CYP4F11: variants seen among roughly 807,000 people sequenced by gnomAD.
CYP4F11 encodes the protein cytochrome P450 family 4 subfamily F member 11, also known as cytochrome P450 4F11.
In CYP4F11, 79 loss-of-function variants were observed where a neutral mutation model predicts 62.2. The ratio of observed to expected loss-of-function variants is 1.27; its 90% CI spans 1.06 to 1.53. CYP4F11 has a LOEUF of 1.53. CYP4F11 is among the 40% of genes most tolerant of loss of function. The pLI, the probability that CYP4F11 is intolerant of heterozygous loss-of-function variation, is 0.00. For missense variants in CYP4F11, 777 were observed against 680.5 expected (o/e 1.14, Z -1.58); for synonymous variants, 290 against 263.7 (o/e 1.10, Z -0.97).
rs202181290 is a variant in CYP4F11 at position 15,912,745 on chromosome 19, ATGTGTGTGTGTGTGTGTGTGTGTGTG to A, written c.*961_*986del. On this transcript the variant is annotated 3_prime_UTR_variant, in exon 12 of 12. Coordinates refer to ENST00000402119, the MANE Select transcript of CYP4F11 (RefSeq NM_021187.4). Reference sequence around the variant, plus strand: ...TGTGTGTGTGTGTGTATATGTATATATGTGTGTGTGTGTGTGTGTGTGTGTGTATATATATATATATATAATATATA... The same window carrying A: ...TGTGTGTGTGTGTGTATATGTATATATATATATATATATATATAATATATA... 1.2e-5 allele frequency: 1 copy of A among 85,984 alleles called. No individual in the cohort carries two copies. The highest frequency in any genetic ancestry group is 2.0e-5 in the Non-Finnish European group (1 of 50,152). 5.3% of individuals were successfully genotyped at this position (85,984 alleles called of 1,614,324 possible). A position where few individuals can be genotyped will look rare whatever the true frequency, so the allele number is the denominator to read the frequency against.
chr19:15,926,353 C>A (rs1222818769), intron 4 of CYP4F11, among the ~76,000 whole-genome samples: 1 of 152,152 alleles, frequency 6.6e-6, no homozygotes, highest in Non-Finnish European at 1.5e-5. Context: ...TTGTCTCTGA[C>A]CCAGGACTCT....
In CYP4F11 at chr19:15,919,778, T is replaced by C. The variant is rs79955515; in HGVS notation, c.1115+2259A>G. 7.2e-4 allele frequency among the ~76,000 whole-genome samples: 110 copies of C among 152,294 alleles called. No individual in the cohort carries two copies. The East Asian group carries it at 0.016, about 22-fold the overall frequency. Reference sequence around the variant, plus strand: ...AAGAATCCTGTCGTTGGTGACAATATGGATGATTCTGGAGGACATTATGCT... The same window carrying C: ...AAGAATCCTGTCGTTGGTGACAATACGGATGATTCTGGAGGACATTATGCT... On this transcript the variant is annotated intron_variant, in intron 8 of 11. Transcript: ENST00000402119.
chr19:15,920,157 T>A (rs2089614607), intron 8 of CYP4F11, among the ~76,000 whole-genome samples: 1 of 152,212 alleles, frequency 6.6e-6, no homozygotes, highest in African/African-American at 2.4e-5. Context: ...GTGTACATCA[T>A]AACATCACAG....
intron 6 of CYP4F11, among the ~76,000 whole-genome samples, chr19:15,922,791 C>T (rs1014338727): frequency 3.9e-5 from 6 of 152,152 alleles, no homozygotes; most frequent in Admixed American, 6.5e-5. Context: ...TAATGGCTCA[C>T]GCCTATAATC....
At chr19:15,924,135 C>T (rs1327603324) in intron 5 of CYP4F11, 53 bp from the exon 6 acceptor site, 4 of 1,576,818 alleles carry the variant, frequency 2.5e-6, no homozygotes, top group South Asian at 1.2e-5. Context: ...GAGCACCTCT[C>T]ACCAGCAGCT....
chr19:15,918,509 G>C (rs1202620047), intron 8 of CYP4F11, among the ~76,000 whole-genome samples: 1 of 152,106 alleles, frequency 6.6e-6, no homozygotes, highest in African/African-American at 2.4e-5. Context: ...ATCAAACTCA[G>C]CTAATAGGAA....
chr19:15,923,160 G>C (rs2089641411), intron 6 of CYP4F11, among the ~76,000 whole-genome samples: 1 of 150,596 alleles, frequency 6.6e-6, no homozygotes. Flanking sequence ...AAGGCATCTG[G>C]GTTATAAACC....
chr19:15,914,848 C>T lies in CYP4F11; in HGVS notation c.1163G>A (p.Ser388Asn). The change falls in exon 9 of 12, where the codon AGC becomes AAC. Residue 388 changes from serine (S) to asparagine (N), a missense_variant. Ser to Asn is a conservative substitution (Grantham distance 46). Coordinates refer to ENST00000402119, the MANE Select transcript of CYP4F11 (RefSeq NM_021187.4). ...CGGGACTGGGGGATGCAACCGCAGG[C>T]TCTCCTTAATGCACATGGTCAGGAA... is the stretch of plus-strand genomic sequence containing the variant. ...LPFLTMCIKESLRLHPPVPVI... is the reference protein window; with the variant it reads ...LPFLTMCIKENLRLHPPVPVI... 1.2e-6 allele frequency: 2 copies of T among 1,614,194 alleles called. No homozygotes were observed. The highest frequency in any genetic ancestry group is 1.7e-6 in the Non-Finnish European group (2 of 1,180,032).
Position 15,929,466 on chromosome 19 carries a change from T to C in CYP4F11, c.334A>G (p.Ser112Gly). 6.2e-7 allele frequency: 1 copy of C among 1,614,048 alleles called. No individual in the cohort carries two copies. Residue 112 changes from serine (S) to glycine (G), a missense_variant, in exon 2 of 12, where the codon AGT becomes GGT. Coordinates refer to ENST00000402119, the MANE Select transcript of CYP4F11 (RefSeq NM_021187.4). ...AGCTCTGCACGGGTACCTGAGGCAC[T>C]GGTGATAGGCCGGATAATGTCAGGG... is the stretch of plus-strand genomic sequence containing the variant. ...CHPDIIRPITSASAAVAPKDM... is the reference protein window; with the variant it reads ...CHPDIIRPITGASAAVAPKDM...
chr19:15,934,484 A>T lies in CYP4F11; in HGVS notation c.-76T>A. The T allele has an allele frequency of 1.9e-6, 3 of 1,540,400 alleles. No homozygotes were observed. Among genetic ancestry groups the T allele is most frequent in the Non-Finnish European group, 2.6e-6 (3 of 1,143,982 alleles). On this transcript the variant is annotated 5_prime_UTR_variant, in exon 1 of 12. Transcript: ENST00000402119. The stretch of plus-strand genomic sequence containing the variant: ...CCCAGGAAGCTCCAAGGACAGTGGA[A>T]AGGGGCAAGGATGGGCAGTGCTGGA...
At chr19:15,914,512 TG>T in intron 10 of CYP4F11, 89 bp downstream of exon 10, 1 of 1,554,862 alleles carries the variant, frequency 6.4e-7, no homozygotes, top group Non-Finnish European at 8.9e-7. Flanking sequence ...TGAGGAGAGG[TG>T]ATGTTGGATT....
At chr19:15,914,158 T>A in intron 11 of CYP4F11, 147 bp downstream of exon 11, 2 of 1,169,882 alleles carry the variant, frequency 1.7e-6, no homozygotes, top group Non-Finnish European at 2.5e-6. Flanking sequence ...TCTAGGACCT[T>A]CCCAAACCCA....
intron 4 of CYP4F11, 28 bp downstream of exon 4, chr19:15,927,184 G>A (rs893525169): frequency 1.9e-6 from 3 of 1,609,352 alleles, no homozygotes; most frequent in Admixed American, 1.7e-5. Flanking sequence ...CAAGGCTCCA[G>A]CTGGGACCCA....
intron 8 of CYP4F11, among the ~76,000 whole-genome samples, chr19:15,919,023 C>T (rs916627343): frequency 7.4e-5 from 11 of 148,570 alleles, no homozygotes; most frequent in Non-Finnish European, 8.9e-5. Flanking sequence ...GGGCAAAATA[C>T]ATAGTATATA....
At chr19:15,934,142 G>T (rs1243587013) in intron 1 of CYP4F11, 69 bp downstream of exon 1, 30 of 1,543,410 alleles carry the variant, frequency 1.9e-5, no homozygotes, top group Admixed American at 1.1e-4. Flanking sequence ...AGCTCCCTGA[G>T]CCCCATTCCT....
chr19:15,918,063 A>G (rs2089596147), intron 8 of CYP4F11, among the ~76,000 whole-genome samples: 1 of 152,202 alleles, frequency 6.6e-6, no homozygotes, highest in Non-Finnish European at 1.5e-5. Flanking sequence ...TAATCCAGAC[A>G]AAGAAAATGT....
chr19:15,914,240 C>G (rs2089562698), intron 11 of CYP4F11, 65 bp downstream of exon 11: 9 of 1,543,388 alleles, frequency 5.8e-6, no homozygotes, highest in Non-Finnish European at 7.1e-6. Context: ...CCATCTGTAA[C>G]TTCCCCCTTT....
chr19:15,913,900 G>A lies in CYP4F11; in HGVS notation c.1407C>T (p.Ile469=), dbSNP rs750181639. The change falls in exon 12 of 12, where the codon ATC becomes ATT. Residue 469 remains isoleucine (I), a synonymous_variant. Transcript: ENST00000402119. ...IPFSAGPRNC[I]GQAFAMAEMK... is the part of the protein sequence containing the mutation. ...TCTCAGCCATGGCGAACGCCTGCCC[G>A]ATGCAGTTTCTGGGGGCAAAAGTGA... The A allele has an allele frequency of 1.1e-5, 17 of 1,611,932 alleles. No individual in the cohort carries two copies. Among genetic ancestry groups the A allele is most frequent in the Admixed American group, 1.7e-5 (1 of 59,914 alleles).
chr19:15,923,047 G>A (rs2089640818), intron 6 of CYP4F11, among the ~76,000 whole-genome samples: 3 of 152,040 alleles, frequency 2.0e-5, no homozygotes, highest in Admixed American at 6.6e-5. Context: ...GTGAAACTCT[G>A]TCTCAAAAAA....
Sources: gnomAD v4.1 joint callset for allele counts (sites outside exome capture counted in the v4.1 genomes callset) on GRCh38, gnomAD v4.1.1 for gene constraint, MANE v1.5 for transcripts, NCBI Gene and HGNC (gene_info 2026-07-23, HGNC 2026-07-21) for gene names.